Variants in ITCH observed in about 807,000 individuals in gnomAD.
ITCH encodes E3 ubiquitin-protein ligase Itchy homolog.
ITCH carries 28 observed loss-of-function variants against 126.8 expected under a neutral mutation model. The ratio of observed to expected loss-of-function variants is 0.22; its 90% confidence interval spans 0.16 to 0.30. The LOEUF is 0.30. ITCH is among the 10% of genes least tolerant of loss of function. The probability of loss-of-function intolerance (pLI) is 1.00; values close to 1 mark genes in which losing one functional copy is unlikely to be tolerated. For synonymous variants in ITCH, 342 were observed against 340.0 expected, an observed-to-expected ratio of 1.01 and a Z score of -0.06; for missense variants, 631 against 1,032.4, an observed-to-expected ratio of 0.61 and a Z score of 5.33.
Position 34,509,333 on chromosome 20 carries a change from A to C in ITCH, c.*1539A>C, listed in dbSNP as rs1978512711. The C allele has an allele frequency of 6.6e-6, 1 of 152,318 alleles. No individual in the cohort carries two copies. The highest frequency in any genetic ancestry group is 1.5e-5 in the Non-Finnish European group (1 of 68,044). The allele number at this position is 152,318 out of a possible 1,614,324, so 9.4% of individuals were successfully genotyped here. A position where few individuals can be genotyped will look rare whatever the true frequency, so the allele number is the denominator to read the frequency against. On this transcript the variant is annotated 3_prime_UTR_variant, in exon 25 of 25. Transcript: ENST00000374864. ...CTGAGGACAGCCTCATAGCTCATGT[A>C]TCAGGGACTTTTGCCACATTTCAGA...
intron 2 of ITCH, among the ~76,000 whole-genome samples, chr20:34,380,949 G>A (rs1237194635): frequency 6.6e-6 from 1 of 151,652 alleles, no homozygotes; most frequent in Non-Finnish European, 1.5e-5. Flanking sequence ...CACTGCACCT[G>A]GGTAATTTTT....
intron 7 of ITCH, among the ~76,000 whole-genome samples, chr20:34,425,350 C>T (rs758095137): frequency 6.6e-6 from 1 of 152,166 alleles, no homozygotes; most frequent in Admixed American, 6.5e-5. Context: ...GGTTTCCCCC[C>T]ACTGAGACAG....
intron 11 of ITCH, 105 bp from the exon 12 acceptor site, chr20:34,449,306 C>T (rs569521690): frequency 1.8e-4 from 126 of 701,994 alleles, no homozygotes; most frequent in Non-Finnish European, 3.1e-4. Context: ...GATACAAACT[C>T]TCTGTGTTAT....
chr20:34,442,079 A>T lies in ITCH; in HGVS notation c.870-129A>T. On this transcript the variant is annotated intron_variant, in intron 9 of 24. Coordinates refer to ENST00000374864, the MANE Select transcript of ITCH (RefSeq NM_031483.7). ...TTTATTCCTAAATTGTATTTGTATC[A>T]TCTTTCTAAACTGATGTCCTTATTT... 4.1e-6 allele frequency: 3 copies of T among 723,112 alleles called. No homozygotes were observed. In the South Asian group the frequency reaches 4.5e-5, roughly 11 times the overall value. 44.8% of individuals were successfully genotyped at this position (723,112 alleles called of 1,614,324 possible).
intron 3 of ITCH, among the ~76,000 whole-genome samples, chr20:34,397,619 A>G (rs2038722276): frequency 6.6e-6 from 1 of 152,210 alleles, no homozygotes; most frequent in Non-Finnish European, 1.5e-5. Context: ...AGGTAACCAC[A>G]TCATAGAATT....
intron 2 of ITCH, among the ~76,000 whole-genome samples, chr20:34,384,806 G>A (rs1450947192): frequency 2.6e-5 from 4 of 151,562 alleles, no homozygotes; most frequent in Non-Finnish European, 5.9e-5. Context: ...GACTACAGGC[G>A]CCCGCCACCA....
intron 23 of ITCH, among the ~76,000 whole-genome samples, chr20:34,499,175 C>T (rs989100213): frequency 3.3e-5 from 5 of 149,564 alleles, no homozygotes; most frequent in Admixed American, 6.6e-5. Flanking sequence ...GGGGTTTCAC[C>T]GCGTTAGCCA....
intron 2 of ITCH, among the ~76,000 whole-genome samples, chr20:34,378,029 T>C (rs1210206764): frequency 6.6e-6 from 1 of 152,170 alleles, no homozygotes; most frequent in Non-Finnish European, 1.5e-5. Context: ...GAAACTTTTT[T>C]TTTTTTTTAA....
chr20:34,489,729 A>T (rs1171378845), intron 21 of ITCH, 93 bp from the exon 22 acceptor site: 2 of 870,066 alleles, frequency 2.3e-6, no homozygotes, highest in Admixed American at 3.4e-5. Flanking sequence ...ACTGATTGTT[A>T]TTCTAAAGCT....
At chr20:34,405,588 G>A (rs1378526123) in intron 3 of ITCH, among the ~76,000 whole-genome samples, 1 of 152,040 alleles carries the variant, frequency 6.6e-6, no homozygotes, top group Admixed American at 6.6e-5. Flanking sequence ...GTTGCTCTTT[G>A]TTCTAGGTTT....
Position 34,408,649 on chromosome 20 carries a change from A to T in ITCH, c.71-2A>T. 1 of 1,611,716 alleles carries T rather than the reference A, an allele frequency of 6.2e-7. No individual in the cohort carries two copies. The highest frequency in any genetic ancestry group is 8.5e-7 in the Non-Finnish European group (1 of 1,177,848). ...GAAATGTTTTTCATTTCTTTTACAT[A>T]GTCATCTCAGCAAAACTTAAGGAAA... On this transcript the variant is annotated splice_acceptor_variant, in intron 3 of 24. Coordinates refer to ENST00000374864, the MANE Select transcript of ITCH (RefSeq NM_031483.7). LOFTEE classifies it high-confidence loss of function.
chr20:34,418,183 T>G (rs1601852926), intron 6 of ITCH, among the ~76,000 whole-genome samples: 1 of 151,992 alleles, frequency 6.6e-6, no homozygotes, highest in Non-Finnish European at 1.5e-5. Context: ...CAGGGTGGTC[T>G]CAAACTCCTG....
chr20:34,487,214 G>C (rs553250108), intron 20 of ITCH, among the ~76,000 whole-genome samples: 1 of 151,510 alleles, frequency 6.6e-6, no homozygotes, highest in African/African-American at 2.4e-5. Context: ...GGGTTTCACC[G>C]TGTTAGCCAG....
chr20:34,424,042 A>G (rs1454906339), intron 6 of ITCH, among the ~76,000 whole-genome samples: 1 of 152,170 alleles, frequency 6.6e-6, no homozygotes, highest in Non-Finnish European at 1.5e-5. Flanking sequence ...CTAATTTTTA[A>G]GCTGTTTTCC....
At chr20:34,450,161 T>C (rs1985017080) in intron 12 of ITCH, among the ~76,000 whole-genome samples, 1 of 152,202 alleles carries the variant, frequency 6.6e-6, no homozygotes, top group Non-Finnish European at 1.5e-5. Context: ...TTAACAATAA[T>C]GTACCAATGC....
chr20:34,423,218 T>TA (rs774274485), intron 6 of ITCH, among the ~76,000 whole-genome samples: 1 of 152,236 alleles, frequency 6.6e-6, no homozygotes. Context: ...TCATCCATGA[T>TA]ATAGCGTGTT....
chr20:34,424,528 A>G lies in ITCH; in HGVS notation c.521+3A>G. The G allele has an allele frequency of 6.2e-7, 1 of 1,610,832 alleles. No individual in the cohort carries two copies. Among genetic ancestry groups the G allele is most frequent in the Non-Finnish European group, 8.5e-7 (1 of 1,176,986 alleles). On this transcript the variant is annotated splice_donor_region_variant and intron_variant, in intron 7 of 24. Coordinates refer to ENST00000374864, the MANE Select transcript of ITCH (RefSeq NM_031483.7). The stretch of plus-strand genomic sequence containing the variant: ...TCCAGATCCAAGGATGAAACAAGGT[A>G]AGCATTCACTGATTGCTTACCACAG...
intron 3 of ITCH, among the ~76,000 whole-genome samples, chr20:34,400,385 A>C (rs1794498700): frequency 6.6e-6 from 1 of 152,130 alleles, no homozygotes; most frequent in Admixed American, 6.6e-5. Context: ...CTGCTGTTTA[A>C]ATGCAGAAAA....
At chr20:34,381,933 T>G (rs1015850452) in intron 2 of ITCH, among the ~76,000 whole-genome samples, 2 of 151,950 alleles carry the variant, frequency 1.3e-5, no homozygotes, top group African/African-American at 4.8e-5. Context: ...CTTTAATGAA[T>G]AACGTGTTTG....
Sources: allele counts gnomAD v4.1 joint callset (sites outside exome capture counted in the v4.1 genomes callset), GRCh38; gene constraint gnomAD v4.1.1; transcripts MANE v1.5; gene names NCBI Gene and HGNC (gene_info 2026-07-23, HGNC 2026-07-21).